Variants in ZNF540 observed in about 807,000 individuals in gnomAD.
ZNF540 encodes zinc finger protein 540, also known as CTD-3064H18.6.
In ZNF540, 3 loss-of-function variants were observed where a neutral mutation model predicts 11.8. The ratio of observed to expected loss-of-function variants is 0.25; its 90% CI spans 0.12 to 0.65. The LOEUF is 0.65. Ranked by LOEUF, ZNF540 falls within the 30% of genes least tolerant of loss-of-function variation. The pLI, the probability that ZNF540 is intolerant of heterozygous loss-of-function variation, is 0.83. For synonymous variants in ZNF540, 247 were observed against 259.0 expected, an observed-to-expected ratio of 0.95 and a Z score of 0.45; for missense variants, 709 against 793.1, an observed-to-expected ratio of 0.89 and a Z score of 1.27.
At chr19:37,589,864 CAAAAAAAAAAA>C (rs60136941), upstream of ZNF540, among the ~76,000 whole-genome samples, 7 of 29,588 alleles carry the variant, frequency 2.4e-4, no homozygotes, top group African/African-American at 1.0e-3. Flanking sequence ...GACTCCATCT[CAAAAAAAAAAA>C]AAAAAAAAAA....
At position 37,613,510 on chromosome 19, in the gene ZNF540, C is replaced by G. The variant is rs573541774; in HGVS notation, c.*247C>G. On this transcript the variant is annotated 3_prime_UTR_variant, in exon 5 of 5. Coordinates refer to ENST00000316433, the MANE Select transcript of ZNF540 (RefSeq NM_001172225.3). ...TTATCATCATTGCCTTTCCACTACT[C>G]TACTATCTGTGTGATATTAGACAAA... 22 of 405,968 alleles carry G rather than the reference C, an allele frequency of 5.4e-5. No homozygotes were observed. Among genetic ancestry groups the G allele is most frequent in the Non-Finnish European group, 9.1e-5 (21 of 229,928 alleles). The allele number at this position is 405,968 out of a possible 1,614,324, so 25.1% of individuals were successfully genotyped here.
At chr19:37,585,092 A>AAT (rs1474628341) in intron 1 of ZNF540, 1 of 152,200 alleles carries the variant, frequency 6.6e-6, no homozygotes, top group African/African-American at 2.4e-5. Flanking sequence ...AGGCTATAGC[A>AAT]AGGTACTGGA....
chr19:37,552,532 T>C (rs2042616560), intron 1 of ZNF540, among the ~76,000 whole-genome samples: 1 of 152,242 alleles, frequency 6.6e-6, no homozygotes, highest in Non-Finnish European at 1.5e-5. Flanking sequence ...ATTGTTTAGT[T>C]CTGGTACTAG....
intron 1 of ZNF540, among the ~76,000 whole-genome samples, chr19:37,589,200 CAA>C (rs35689698): frequency 2.8e-5 from 3 of 108,904 alleles, no homozygotes; most frequent in African/African-American, 3.7e-5. Context: ...AACTCCGTCT[CAA>C]AAAAAAAAAA....
intron 1 of ZNF540, chr19:37,583,666 G>A: frequency 5.1e-6 from 1 of 196,908 alleles, no homozygotes; most frequent in Non-Finnish European, 1.0e-5. Flanking sequence ...AGTAAGGAAA[G>A]TATATTTGGC....
At chr19:37,564,480 T>A (rs1345661769) in intron 1 of ZNF540, 1 of 866,514 alleles carries the variant, frequency 1.2e-6, no homozygotes, top group African/African-American at 1.7e-5. Flanking sequence ...TCTGCATCCA[T>A]GTTAATGTAG....
chr19:37,572,824 T>C (rs2147169049), intron 1 of ZNF540, among the ~76,000 whole-genome samples: 1 of 152,348 alleles, frequency 6.6e-6, no homozygotes, highest in Middle Eastern at 3.4e-3. Context: ...CCAATTACTA[T>C]AACTATTTAC....
Position 37,611,785 on chromosome 19 carries a change from A to ACC in ZNF540, c.505_506insCC (p.Lys169ThrfsTer14). The stretch of plus-strand genomic sequence containing the variant: ...GAATCAGAGAATTCACAATAGTGAG[A>ACC]AAAGCTGTGACTCACACTTGGTTCA... On this transcript the variant is annotated frameshift_variant, in exon 5 of 5. Coordinates refer to ENST00000316433, the MANE Select transcript of ZNF540 (RefSeq NM_001172225.3). LOFTEE classifies it low-confidence loss of function (END_TRUNC). 6.2e-7 allele frequency: 1 copy of ACC among 1,614,046 alleles called. No homozygotes were observed.
chr19:37,613,269 G>T lies in ZNF540; in HGVS notation c.*6G>T. 2 of 1,471,484 alleles carry T rather than the reference G, an allele frequency of 1.4e-6. No homozygotes were observed. The highest frequency in any genetic ancestry group is 1.8e-6 in the Non-Finnish European group (2 of 1,108,364). The allele number at this position is 1,471,484 out of a possible 1,614,324, so 91.2% of individuals were successfully genotyped here. ...AAACTCATAATGTAATTTAATATAAGAAAAGGTTTCCATGTCATGCTCTAT... is the reference window on the plus strand; with the variant it reads ...AAACTCATAATGTAATTTAATATAATAAAAGGTTTCCATGTCATGCTCTAT... On this transcript the variant is annotated 3_prime_UTR_variant, in exon 5 of 5. Transcript: ENST00000316433.
At chr19:37,608,508 C>G (rs2044101949) in intron 4 of ZNF540, among the ~76,000 whole-genome samples, 1 of 152,204 alleles carries the variant, frequency 6.6e-6, no homozygotes, top group Non-Finnish European at 1.5e-5. Context: ...TTCCAACATT[C>G]CTGCCATATC....
chr19:37,592,576 A>G (rs900829623), upstream of ZNF540, among the ~76,000 whole-genome samples: 1 of 152,246 alleles, frequency 6.6e-6, no homozygotes, highest in Non-Finnish European at 1.5e-5. Flanking sequence ...AGGTGAAAAA[A>G]AGGAAAGGAT....
intron 1 of ZNF540, chr19:37,566,404 C>A (rs1600460310): frequency 8.1e-7 from 1 of 1,236,072 alleles, no homozygotes; most frequent in Admixed American, 2.5e-5. Context: ...ATGGCTTAAA[C>A]AGTACAGAAA....
chr19:37,593,190 A>G (rs903906036), upstream of ZNF540, among the ~76,000 whole-genome samples: 1 of 152,080 alleles, frequency 6.6e-6, no homozygotes. Flanking sequence ...CTTTTTGGTA[A>G]TATATGCTTA....
At chr19:37,588,379 A>G (rs1201160533) in intron 1 of ZNF540, among the ~76,000 whole-genome samples, 1 of 152,214 alleles carries the variant, frequency 6.6e-6, no homozygotes, top group Admixed American at 6.5e-5. Flanking sequence ...TGGATACTGT[A>G]AAAAGGAACA....
chr19:37,612,340 C>G lies in ZNF540; in HGVS notation c.1060C>G (p.Pro354Ala). The change falls in exon 5 of 5, where the codon CCC becomes GCC. Residue 354 changes from proline to alanine, a missense_variant. Pro to Ala is a conservative substitution (Grantham distance 27). Transcript: ENST00000316433. ...TCAGAAAATTCATACTGGTGTAAAACCCTACGAATGTAAGGAATGTGGAAA... is the reference window on the plus strand; with the variant it reads ...TCAGAAAATTCATACTGGTGTAAAAGCCTACGAATGTAAGGAATGTGGAAA... Reference protein sequence around the residue: ...RHQKIHTGVKPYECKECGKTF... With the variant: ...RHQKIHTGVKAYECKECGKTF... 1 of 1,613,916 alleles carries G rather than the reference C, an allele frequency of 6.2e-7. No homozygotes were observed. The highest frequency in any genetic ancestry group is 8.5e-7 in the Non-Finnish European group (1 of 1,179,986).
At chr19:37,590,671 A>C (rs1388106084), upstream of ZNF540, among the ~76,000 whole-genome samples, 2 of 152,178 alleles carry the variant, frequency 1.3e-5, no homozygotes, top group Non-Finnish European at 2.9e-5. Context: ...AAAAAGCAAA[A>C]TGTTAAAAAC....
chr19:37,576,295 A>C (rs1031272514), intron 1 of ZNF540, among the ~76,000 whole-genome samples: 2 of 152,202 alleles, frequency 1.3e-5, no homozygotes, highest in Non-Finnish European at 2.9e-5. Flanking sequence ...GACAATGCCT[A>C]AATGAGTTCA....
intron 3 of ZNF540, 102 bp from the exon 4 acceptor site, chr19:37,600,908 C>A: frequency 1.0e-6 from 1 of 990,060 alleles, no homozygotes. Context: ...AAGTCTTCAT[C>A]GAAATCATGT....
Position 37,599,618 on chromosome 19 carries a change from G to A in ZNF540, c.10-8G>A, listed in dbSNP as rs747705696. ...TTTCACCAGTAATATGTTGGTTTATGGTTTCAGGCATTGGTGACGTTCAGG... is the reference window on the plus strand; with the variant it reads ...TTTCACCAGTAATATGTTGGTTTATAGTTTCAGGCATTGGTGACGTTCAGG... On this transcript the variant is annotated splice_polypyrimidine_tract_variant and splice_region_variant and intron_variant, in intron 2 of 4. Transcript: ENST00000316433. The A allele has an allele frequency of 1.9e-6, 3 of 1,613,874 alleles. No individual in the cohort carries two copies. Among genetic ancestry groups the A allele is most frequent in the Non-Finnish European group, 1.7e-6 (2 of 1,179,894 alleles).
Sources: allele counts gnomAD v4.1 joint callset (sites outside exome capture counted in the v4.1 genomes callset), GRCh38; gene constraint gnomAD v4.1.1; transcripts MANE v1.5; gene names NCBI Gene and HGNC (gene_info 2026-07-23, HGNC 2026-07-21).